The following SLC35D2 variants were observed in gnomAD, a reference collection of about 807,000 sequenced individuals.
SLC35D2 encodes the protein solute carrier family 35 member D2.
SLC35D2 carries 43 observed loss-of-function variants against 41.8 expected under a neutral mutation model. That is an observed-to-expected ratio of 1.03 (90% CI 0.81 to 1.33). The LOEUF is 1.33. Among genes scored for constraint, SLC35D2 ranks in the 40% most tolerant of loss-of-function variants. SLC35D2 has a pLI of 0.00. For missense variants in SLC35D2, 380 were observed against 408.4 expected, an observed-to-expected ratio of 0.93 and a Z score of 0.60; for synonymous variants, 150 against 163.9, an observed-to-expected ratio of 0.92 and a Z score of 0.65.
Position 96,364,501 on chromosome 9 carries a change from A to G in SLC35D2, c.242T>C (p.Ile81Thr). ...TTTCTTATCAAAATCAGGGAAGTGAATGATTTTGTTTAGCTTGGACACATA... is the reference window on the plus strand; with the variant it reads ...TTTCTTATCAAAATCAGGGAAGTGAGTGATTTTGTTTAGCTTGGACACATA... Reference protein sequence around the residue: ...ILYVSKLNKIIHFPDFDKKIP... With the variant: ...ILYVSKLNKITHFPDFDKKIP... The change falls in exon 3 of 12, where the codon ATT becomes ACT. Residue 81 changes from isoleucine (I) to threonine (T), a missense_variant. Physicochemically the swap from Ile to Thr is moderately conservative, Grantham distance 89 (BLOSUM62 -1). Transcript: ENST00000253270. 1 of 1,605,810 alleles carries G rather than the reference A, an allele frequency of 6.2e-7. No homozygotes were observed. The highest frequency in any genetic ancestry group is 8.5e-7 in the Non-Finnish European group (1 of 1,173,132).
At chr9:96,379,169 T>C (rs946809811) in intron 1 of SLC35D2, among the ~76,000 whole-genome samples, 6 of 149,016 alleles carry the variant, frequency 4.0e-5, no homozygotes, top group South Asian at 2.1e-4. Flanking sequence ...TAGCCGGGTG[T>C]GGTGGTACAC....
intron 1 of SLC35D2, 131 bp from the exon 2 acceptor site, chr9:96,368,436 A>T: frequency 1.3e-6 from 1 of 796,372 alleles, no homozygotes; most frequent in Non-Finnish European, 1.9e-6. Context: ...CTTTTCATTT[A>T]ATTCTTTTTT....
intron 2 of SLC35D2, among the ~76,000 whole-genome samples, chr9:96,366,827 TA>T (rs1281389838): frequency 6.6e-6 from 1 of 151,804 alleles, no homozygotes; most frequent in Non-Finnish European, 1.5e-5. Context: ...CATTGAAATA[TA>T]AAGATAATTT....
intron 4 of SLC35D2, among the ~76,000 whole-genome samples, chr9:96,357,038 C>T (rs751821197): frequency 1.5e-4 from 23 of 151,930 alleles, no homozygotes; most frequent in Non-Finnish European, 3.1e-4. Context: ...ATTAGCTGGG[C>T]GTGGTAGTAC....
chr9:96,376,092 G>A (rs1456922731), intron 1 of SLC35D2, among the ~76,000 whole-genome samples: 3 of 151,386 alleles, frequency 2.0e-5, no homozygotes, highest in Non-Finnish European at 2.9e-5. Flanking sequence ...TCAAGAGTTC[G>A]AGACCAGCCT....
chr9:96,338,578 C>T (rs1262702504), intron 8 of SLC35D2, among the ~76,000 whole-genome samples: 1 of 148,836 alleles, frequency 6.7e-6, no homozygotes, highest in African/African-American at 2.5e-5. Context: ...AAAAAATACA[C>T]GTTAAATGTT....
chr9:96,348,898 C>A (rs1224721944), intron 6 of SLC35D2, among the ~76,000 whole-genome samples: 2 of 152,224 alleles, frequency 1.3e-5, no homozygotes, highest in East Asian at 3.8e-4. Context: ...CCATTCCTCA[C>A]CAAAGACTTA....
intron 1 of SLC35D2, among the ~76,000 whole-genome samples, chr9:96,380,544 GCCT>G (rs1831155795): frequency 6.6e-6 from 1 of 151,164 alleles, no homozygotes. Context: ...TGCAACCACT[GCCT>G]CCTGAGTTCA....
downstream of SLC35D2, among the ~76,000 whole-genome samples, chr9:96,319,139 G>A (rs1018866254): frequency 1.3e-5 from 2 of 152,210 alleles, no homozygotes; most frequent in Non-Finnish European, 2.9e-5. Flanking sequence ...CAGATGACTG[G>A]ATAAACAGAA....
At chr9:96,343,312 A>C (rs1829423933) in intron 8 of SLC35D2, among the ~76,000 whole-genome samples, 1 of 152,218 alleles carries the variant, frequency 6.6e-6, no homozygotes, top group African/African-American at 2.4e-5. Flanking sequence ...TGAAAGAACA[A>C]CACCTTCCCA....
At chr9:96,371,301 CTAAAAAATA>C (rs1830665014) in intron 1 of SLC35D2, among the ~76,000 whole-genome samples, 2 of 151,574 alleles carry the variant, frequency 1.3e-5, no homozygotes, top group South Asian at 2.1e-4. Context: ...CCCATCTCTA[CTAAAAAATA>C]CAAAAATTAG....
At chr9:96,321,381 T>C in intron 11 of SLC35D2, 40 bp from the exon 12 acceptor site, 1 of 1,442,808 alleles carries the variant, frequency 6.9e-7, no homozygotes, top group Non-Finnish European at 9.7e-7. Context: ...TGACTGGGAA[T>C]TTCACAGGGG....
At chr9:96,356,382 CTT>C (rs199569097) in intron 4 of SLC35D2, among the ~76,000 whole-genome samples, 64 of 101,418 alleles carry the variant, frequency 6.3e-4, no homozygotes, top group Middle Eastern at 5.1e-3. Flanking sequence ...TTTATTTATT[CTT>C]TTTTTTTTTT....
At chr9:96,366,517 AT>A (rs34820429) in intron 2 of SLC35D2, among the ~76,000 whole-genome samples, 100 of 103,584 alleles carry the variant, frequency 9.7e-4, no homozygotes, top group Middle Eastern at 6.5e-3. Context: ...CTTATCACTG[AT>A]TTTTTTTTTT....
At chr9:96,315,736 T>C (rs1043634270), downstream of SLC35D2, among the ~76,000 whole-genome samples, 1 of 152,074 alleles carries the variant, frequency 6.6e-6, no homozygotes, top group Admixed American at 6.6e-5. Flanking sequence ...CCTGGCTAGA[T>C]CCTTATTTTT....
Position 96,322,037 on chromosome 9 carries a change from T to C in SLC35D2, c.875A>G (p.Tyr292Cys). ...TACAAAGTTTAACAAAGAGAAAATGTAGTCTCCACCGATTAATATCCCAAT... is the reference window on the plus strand; with the variant it reads ...TACAAAGTTTAACAAAGAGAAAATGCAGTCTCCACCGATTAATATCCCAAT... ...AYIGILIGGD[Y>C]IFSLLNFVGL... Residue 292 changes from tyrosine to cysteine, a missense_variant, in exon 11 of 12, where the codon TAC becomes TGC. Physicochemically the swap from Tyr to Cys is radical, Grantham distance 194. Coordinates refer to ENST00000253270, the MANE Select transcript of SLC35D2 (RefSeq NM_007001.3). 6.2e-7 allele frequency: 1 copy of C among 1,607,664 alleles called. No homozygotes were observed. The highest frequency in any genetic ancestry group is 8.5e-7 in the Non-Finnish European group (1 of 1,174,806).
At chr9:96,375,533 A>T (rs149401918) in intron 1 of SLC35D2, among the ~76,000 whole-genome samples, 10,045 of 151,786 alleles carry the variant, frequency 0.066, 431 homozygotes, top group East Asian at 0.22. Context: ...AGCCAAGATC[A>T]TGCCATTGCA....
chr9:96,316,914 G>C (rs1367479289), downstream of SLC35D2, among the ~76,000 whole-genome samples: 1 of 152,108 alleles, frequency 6.6e-6, no homozygotes, highest in African/African-American at 2.4e-5. Flanking sequence ...CAAGGCAGGT[G>C]GATCATGAGG....
chr9:96,372,574 CTTTTTTTTTTT>C (rs71368250), intron 1 of SLC35D2, among the ~76,000 whole-genome samples: 3 of 90,168 alleles, frequency 3.3e-5, no homozygotes, highest in East Asian at 2.6e-4. Context: ...TAAATAATTA[CTTTTTTTTTTT>C]TTTTTTTTTT....
Sources: allele counts gnomAD v4.1 joint callset (sites outside exome capture counted in the v4.1 genomes callset), GRCh38; gene constraint gnomAD v4.1.1; transcripts MANE v1.5; gene names NCBI Gene and HGNC (gene_info 2026-07-23, HGNC 2026-07-21).